The following VGLL2 variants were observed in gnomAD, a reference collection of about 807,000 sequenced individuals.
VGLL2 encodes vestigial like family member 2.
Under a neutral mutation model 27.0 loss-of-function variants are expected in VGLL2, and 18 were observed. That is an observed-to-expected ratio of 0.67 (90% CI 0.46 to 0.99). VGLL2 has a LOEUF of 0.99. Among genes scored for constraint, VGLL2 ranks in the 50% least tolerant of loss-of-function variants. VGLL2 has a pLI of 0.00. For missense variants in VGLL2, 491 were observed against 452.3 expected, an observed-to-expected ratio of 1.09 and a Z score of -0.78; for synonymous variants, 220 against 201.1, an observed-to-expected ratio of 1.09 and a Z score of -0.80.
In VGLL2 at chr6:117,265,627, G is replaced by T; in HGVS notation, c.-137G>T. The T allele has an allele frequency of 5.5e-6, 4 of 726,482 alleles. No homozygotes were observed. Among genetic ancestry groups the T allele is most frequent in the South Asian group, 1.7e-5 (1 of 59,822 alleles). 45.0% of individuals were successfully genotyped at this position (726,482 alleles called of 1,614,324 possible). A position where few individuals can be genotyped will look rare whatever the true frequency, so the allele number is the denominator to read the frequency against. On this transcript the variant is annotated 5_prime_UTR_variant, in exon 1 of 4. Coordinates refer to ENST00000326274, the MANE Select transcript of VGLL2 (RefSeq NM_182645.3). ...GAGGGTAGCGAGCCAGCTGGATTCC[G>T]AGCCGCGGAGCGCGCTGGCTTTGCT...
chr6:117,273,329 T>C lies in VGLL2; in HGVS notation c.*835T>C, dbSNP rs1481928666. 1.3e-5 allele frequency: 2 copies of C among 152,204 alleles called. No homozygotes were observed. Among genetic ancestry groups the C allele is most frequent in the African/African-American group, 4.8e-5 (2 of 41,442 alleles). 9.4% of individuals were successfully genotyped at this position (152,204 alleles called of 1,614,324 possible). A position where few individuals can be genotyped will look rare whatever the true frequency, so the allele number is the denominator to read the frequency against. On this transcript the variant is annotated 3_prime_UTR_variant, in exon 4 of 4. Coordinates refer to ENST00000326274, the MANE Select transcript of VGLL2 (RefSeq NM_182645.3). ...CTCTCCCACGAATTCTGTCCCTGTATCCTCTGGATGTAAAAAGCAAGGAGA... is the reference window on the plus strand; with the variant it reads ...CTCTCCCACGAATTCTGTCCCTGTACCCTCTGGATGTAAAAAGCAAGGAGA...
intron 3 of VGLL2, chr6:117,272,251 T>C: frequency 3.2e-6 from 3 of 941,918 alleles, no homozygotes; most frequent in Non-Finnish European, 3.8e-6. Context: ...TCTCTCCCTC[T>C]CCCTCTCTTT....
At chr6:117,265,995 C>T in intron 1 of VGLL2, 151 bp downstream of exon 1, 1 of 708,044 alleles carries the variant, frequency 1.4e-6, no homozygotes, top group Non-Finnish European at 2.5e-6. Flanking sequence ...CCGGAGCCGC[C>T]CCCAGTTGGT....
rs1773230076 is a variant in VGLL2 at position 117,272,855 on chromosome 6, G to T, written c.*361G>T. 6.3e-6 allele frequency: 2 copies of T among 316,604 alleles called. No individual in the cohort carries two copies. The highest frequency in any genetic ancestry group is 4.8e-5 in the Admixed American group (1 of 20,660). The allele number at this position is 316,604 out of a possible 1,614,324, so 19.6% of individuals were successfully genotyped here. On this transcript the variant is annotated 3_prime_UTR_variant, in exon 4 of 4. Transcript: ENST00000326274. Reference sequence around the variant, plus strand: ...TATGCTGATGTGAATTATTTTGTTAGGTAGTGTGATTATAGCACTACTACT... The same window carrying T: ...TATGCTGATGTGAATTATTTTGTTATGTAGTGTGATTATAGCACTACTACT...
chr6:117,270,754 C>T lies in VGLL2; in HGVS notation c.603C>T (p.His201=). 6.6e-7 allele frequency: 1 copy of T among 1,507,276 alleles called. No individual in the cohort carries two copies. Among genetic ancestry groups the T allele is most frequent in the Non-Finnish European group, 8.8e-7 (1 of 1,137,556 alleles). The allele number at this position is 1,507,276 out of a possible 1,614,324, so 93.4% of individuals were successfully genotyped here. A position where few individuals can be genotyped will look rare whatever the true frequency, so the allele number is the denominator to read the frequency against. The change falls in exon 3 of 4, where the codon CAC becomes CAT. Residue 201 remains histidine (H), a synonymous_variant. Coordinates refer to ENST00000326274, the MANE Select transcript of VGLL2 (RefSeq NM_182645.3). ...CCTGGCACCACGCGCACCCGCACCACGCGCACCCGCATCACCCCTACGCCC... is the reference window on the plus strand; with the variant it reads ...CCTGGCACCACGCGCACCCGCACCATGCGCACCCGCATCACCCCTACGCCC... ...TEPWHHAHPH[H]AHPHHPYALG... is the part of the protein sequence containing the mutation.
Position 117,270,732 on chromosome 6 carries a change from G to A in VGLL2, c.581G>A (p.Trp194Ter). 1 of 1,521,700 alleles carries A rather than the reference G, an allele frequency of 6.6e-7. No homozygotes were observed. The allele number at this position is 1,521,700 out of a possible 1,614,324, so 94.3% of individuals were successfully genotyped here. ...CTGCACCAGGGCGCCACGGAGCCCT[G>A]GCACCACGCGCACCCGCACCACGCG... ...GHLHQGATEP[W>*]HHAHPHHAHP... The change falls in exon 3 of 4, where the codon TGG becomes TAG. Residue 194 changes from tryptophan to a stop codon, truncating the protein, a stop_gained. Coordinates refer to ENST00000326274, the MANE Select transcript of VGLL2 (RefSeq NM_182645.3). LOFTEE classifies it high-confidence loss of function.
At position 117,273,331 on chromosome 6, in the gene VGLL2, C is replaced by T. The variant is rs1210620637; in HGVS notation, c.*837C>T. 6.6e-6 allele frequency: 1 copy of T among 152,110 alleles called. No homozygotes were observed. Among genetic ancestry groups the T allele is most frequent in the Non-Finnish European group, 1.5e-5 (1 of 68,034 alleles). 9.4% of individuals were successfully genotyped at this position (152,110 alleles called of 1,614,324 possible). On this transcript the variant is annotated 3_prime_UTR_variant, in exon 4 of 4. Transcript: ENST00000326274. Reference sequence around the variant, plus strand: ...CTCCCACGAATTCTGTCCCTGTATCCTCTGGATGTAAAAAGCAAGGAGAGA... The same window carrying T: ...CTCCCACGAATTCTGTCCCTGTATCTTCTGGATGTAAAAAGCAAGGAGAGA...
rs1582495677 is a variant in VGLL2, at chr6:117,265,707, G to C, written c.-57G>C. 2 of 1,511,044 alleles carry C rather than the reference G, an allele frequency of 1.3e-6. No homozygotes were observed. Among genetic ancestry groups the C allele is most frequent in the East Asian group, 2.3e-5 (1 of 44,276 alleles). 93.6% of individuals were successfully genotyped at this position (1,511,044 alleles called of 1,614,324 possible). ...AGCGCCGCCCATGCAGCACCCCTGA[G>C]CTCCGGGGAAGGAGAGTTAATGAAA... is the stretch of plus-strand genomic sequence containing the variant. On this transcript the variant is annotated 5_prime_UTR_variant, in exon 1 of 4. Transcript: ENST00000326274.
chr6:117,268,395 G>T lies in VGLL2; in HGVS notation c.295G>T (p.Val99Leu). ...TYFQGDISSV[V>L]DEHFSRALSQ... ...TTTCCAGGGGGACATCAGCTCCGTG[G>T]TGGATGAACATTTCAGCAGGGCCCT... is the stretch of plus-strand genomic sequence containing the variant. Residue 99 changes from valine to leucine, a missense_variant, in exon 2 of 4, where the codon GTG becomes TTG. Coordinates refer to ENST00000326274, the MANE Select transcript of VGLL2 (RefSeq NM_182645.3). 1 of 1,614,046 alleles carries T rather than the reference G, an allele frequency of 6.2e-7. No individual in the cohort carries two copies. The highest frequency in any genetic ancestry group is 1.3e-5 in the African/African-American group (1 of 74,986).
Position 117,270,944 on chromosome 6 carries a change from C to T in VGLL2, c.793C>T (p.Pro265Ser). 8.1e-7 allele frequency: 1 copy of T among 1,240,312 alleles called. No individual in the cohort carries two copies. The highest frequency in any genetic ancestry group is 1.0e-6 in the Non-Finnish European group (1 of 997,236). The allele number at this position is 1,240,312 out of a possible 1,614,324, so 76.8% of individuals were successfully genotyped here. ...CGCCCCGGCGCCCGCGCCCGGCAGT[C>T]CTCCCTGCGAGCTCTCCGGCAAAGG... ...ATAPAPAPGS[P>S]PCELSGKGEP... Residue 265 changes from proline to serine, a missense_variant, in exon 3 of 4, where the codon CCT (proline) becomes TCT (serine). Transcript: ENST00000326274.
chr6:117,272,222 CCTT>C (rs1773218438), intron 3 of VGLL2: 9 of 781,924 alleles, frequency 1.2e-5, no homozygotes, highest in Non-Finnish European at 1.4e-5. Flanking sequence ...TCCTCCTTCT[CCTT>C]CTCCTTCTTC....
rs111447321 is a variant in VGLL2 at position 117,270,247 on chromosome 6, T to C, written c.392-296T>C. ...TCTTGCTACTCTACCCGCCACTTGG[T>C]TTCCGCACTGAGGACTCGGCTGCGA... On this transcript the variant is annotated intron_variant, in intron 2 of 3. Coordinates refer to ENST00000326274, the MANE Select transcript of VGLL2 (RefSeq NM_182645.3). Among the ~76,000 whole-genome samples the C allele has an allele frequency of 8.1e-4, 123 of 152,122 alleles. 2 individuals carry two copies. The highest frequency in any genetic ancestry group is 2.6e-3 in the African/African-American group (109 of 41,520).
rs779352508 is a variant in VGLL2, at chr6:117,270,760, C to G, written c.609C>G (p.His203Gln). Residue 203 changes from histidine to glutamine, a missense_variant, in exon 3 of 4, where the codon CAC (histidine) becomes CAG (glutamine). Physicochemically the swap from His to Gln is conservative, Grantham distance 24. Transcript: ENST00000326274. ...ACCACGCGCACCCGCACCACGCGCA[C>G]CCGCATCACCCCTACGCCCTGGGCG... ...PWHHAHPHHA[H>Q]PHHPYALGGA... 2.1e-4 allele frequency: 308 copies of G among 1,499,824 alleles called. No homozygotes were observed. The highest frequency in any genetic ancestry group is 1.1e-3 in the Middle Eastern group (5 of 4,374). The allele number at this position is 1,499,824 out of a possible 1,614,324, so 92.9% of individuals were successfully genotyped here. A position where few individuals can be genotyped will look rare whatever the true frequency, so the allele number is the denominator to read the frequency against.
In VGLL2 at chr6:117,273,185, A is replaced by T. The variant is rs2128517747; in HGVS notation, c.*691A>T. The stretch of plus-strand genomic sequence containing the variant: ...TACATCACCCAAGGTGGCAGTTCTC[A>T]GTATTTGGCAGAACAATTGCAATTG... On this transcript the variant is annotated 3_prime_UTR_variant, in exon 4 of 4. Coordinates refer to ENST00000326274, the MANE Select transcript of VGLL2 (RefSeq NM_182645.3). 1 of 152,814 alleles carries T rather than the reference A, an allele frequency of 6.5e-6. No homozygotes were observed. The highest frequency in any genetic ancestry group is 2.1e-4 in the South Asian group (1 of 4,830). The allele number at this position is 152,814 out of a possible 1,614,324, so 9.5% of individuals were successfully genotyped here. A position where few individuals can be genotyped will look rare whatever the true frequency, so the allele number is the denominator to read the frequency against.
Position 117,268,302 on chromosome 6 carries a change from G to A in VGLL2, c.202G>A (p.Gly68Ser). The A allele has an allele frequency of 6.2e-7, 1 of 1,614,200 alleles. No homozygotes were observed. Among genetic ancestry groups the A allele is most frequent in the Non-Finnish European group, 8.5e-7 (1 of 1,180,050 alleles). The change falls in exon 2 of 4, where the codon GGC (glycine) becomes AGC (serine). Residue 68 changes from glycine to serine, a missense_variant. Transcript: ENST00000326274. ...CCCAGCCAGTATAAAAGAGGAAGAA[G>A]GCAGCCCAGAGAAAGAGCGCCCACC... ...QTPASIKEEEGSPEKERPPEA... is the reference protein window; with the variant it reads ...QTPASIKEEESSPEKERPPEA...
intron 1 of VGLL2, among the ~76,000 whole-genome samples, chr6:117,267,742 C>A (rs1330260941): frequency 2.6e-5 from 4 of 152,200 alleles, no homozygotes; most frequent in African/African-American, 9.6e-5. Context: ...TATCCTGTAT[C>A]CTGTGCTTCT....
intron 2 of VGLL2, among the ~76,000 whole-genome samples, chr6:117,269,859 CCTT>C (rs1167906711): frequency 6.6e-6 from 1 of 152,110 alleles, no homozygotes; most frequent in Non-Finnish European, 1.5e-5. Flanking sequence ...CTATTCGTGT[CCTT>C]CTGTGCAAAT....
intron 1 of VGLL2, 97 bp downstream of exon 1, chr6:117,265,941 T>G: frequency 8.4e-7 from 1 of 1,190,512 alleles, no homozygotes; most frequent in South Asian, 1.3e-5. Context: ...TCCGCGCGTC[T>G]CGGGCGTCCG....
Position 117,268,492 on chromosome 6 carries a change from G to C in VGLL2, c.391+1G>C. 6.2e-7 allele frequency: 1 copy of C among 1,601,688 alleles called. No individual in the cohort carries two copies. The highest frequency in any genetic ancestry group is 1.1e-5 in the South Asian group (1 of 90,114). On this transcript the variant is annotated splice_donor_variant, in intron 2 of 3. Coordinates refer to ENST00000326274, the MANE Select transcript of VGLL2 (RefSeq NM_182645.3). LOFTEE classifies it high-confidence loss of function. Reference sequence around the variant, plus strand: ...CCAAGGAGCTCTGGGCCCTGGCGAGGTGAGTATAGGGCCCTGCTGGGAAGG... The same window carrying C: ...CCAAGGAGCTCTGGGCCCTGGCGAGCTGAGTATAGGGCCCTGCTGGGAAGG...
Sources: gnomAD v4.1 joint callset for allele counts (sites outside exome capture counted in the v4.1 genomes callset) on GRCh38, gnomAD v4.1.1 for gene constraint, MANE v1.5 for transcripts, NCBI Gene and HGNC (gene_info 2026-07-23, HGNC 2026-07-21) for gene names.